Variants in ADAMTSL1 observed in about 807,000 individuals in gnomAD.
ADAMTSL1 encodes the protein ADAMTS like 1.
ADAMTSL1 carries 126 observed loss-of-function variants against 201.8 expected under a neutral mutation model. The ratio of observed to expected loss-of-function variants is 0.62; its 90% CI spans 0.54 to 0.72. The LOEUF is 0.72. Ranked by LOEUF, ADAMTSL1 falls within the 30% of genes least tolerant of loss-of-function variation. The probability of loss-of-function intolerance (pLI) is 0.00; values close to 1 mark genes in which losing one functional copy is unlikely to be tolerated. For synonymous variants in ADAMTSL1, 1,121 were observed against 903.4 expected (o/e 1.24, Z -4.32); for missense variants, 2,679 against 2,277.8 (o/e 1.18, Z -3.59).
At chr9:18,067,682 A>C (rs1032920585) in intron 1 of ADAMTSL1, among the ~76,000 whole-genome samples, 1 of 152,258 alleles carries the variant, frequency 6.6e-6, no homozygotes, top group African/African-American at 2.4e-5. Context: ...AGCTGTCGGC[A>C]GCACTAAGCT....
intron 2 of ADAMTSL1, among the ~76,000 whole-genome samples, chr9:18,424,746 C>T (rs921047517): frequency 2.6e-5 from 4 of 152,072 alleles, no homozygotes; most frequent in East Asian, 1.9e-4. Context: ...ACCTACCCAG[C>T]CTCATGTATG....
At chr9:18,628,304 T>G (rs1016820449) in intron 5 of ADAMTSL1, among the ~76,000 whole-genome samples, 1 of 152,204 alleles carries the variant, frequency 6.6e-6, no homozygotes, top group African/African-American at 2.4e-5. Flanking sequence ...TTTTTTCGTA[T>G]AGACGCCCAA....
intron 21 of ADAMTSL1, among the ~76,000 whole-genome samples, chr9:18,821,518 C>T (rs1274321083): frequency 6.6e-6 from 1 of 152,136 alleles, no homozygotes; most frequent in African/African-American, 2.4e-5. Flanking sequence ...TGGCCACGCA[C>T]AACTACAAAG....
chr9:18,008,328 C>T (rs1455683113), intron 1 of ADAMTSL1, among the ~76,000 whole-genome samples: 5 of 151,944 alleles, frequency 3.3e-5, no homozygotes, highest in African/African-American at 4.8e-5. Flanking sequence ...TCAATATTAA[C>T]ATGCAAACCT....
rs10673652 is a variant in ADAMTSL1 at position 18,503,421 on chromosome 9, GTA to G, written c.64-1389_64-1388del. Among the ~76,000 whole-genome samples, 86 of 115,004 alleles carry G rather than the reference GTA, an allele frequency of 7.5e-4. 2 individuals are homozygous for G. Among genetic ancestry groups the G allele is most frequent in the East Asian group, 1.2e-3 (4 of 3,468 alleles). 75.4% of individuals were successfully genotyped at this position (115,004 alleles called of 152,430 possible). A position where few individuals can be genotyped will look rare whatever the true frequency, so the allele number is the denominator to read the frequency against. On this transcript the variant is annotated intron_variant, in intron 1 of 28. Coordinates refer to ENST00000380548, the MANE Select transcript of ADAMTSL1 (RefSeq NM_001040272.6). ...TTAAGGCTGAATAGTATTCCATTGT[GTA>G]TATATATATATATATATACCACATT...
In ADAMTSL1 at chr9:18,738,239, G is replaced by A. The variant is rs7032189; in HGVS notation, c.2007-15059G>A. On this transcript the variant is annotated intron_variant, in intron 15 of 28. Coordinates refer to ENST00000380548, the MANE Select transcript of ADAMTSL1 (RefSeq NM_001040272.6). Reference sequence around the variant, plus strand: ...ACAGCCGTGCTGTGAGAAGTTTTGCGTTTTCTCTATATCTTAGTCTTTAAA... The same window carrying A: ...ACAGCCGTGCTGTGAGAAGTTTTGCATTTTCTCTATATCTTAGTCTTTAAA... Among the ~76,000 whole-genome samples the A allele has an allele frequency of 8.4e-3, 1,272 of 152,176 alleles. 25 individuals are homozygous for A. Among genetic ancestry groups the A allele is most frequent in the African/African-American group, 0.029 (1,186 of 41,514 alleles).
At chr9:18,840,000 A>C (rs368635950) in intron 23 of ADAMTSL1, among the ~76,000 whole-genome samples, 2 of 150,162 alleles carry the variant, frequency 1.3e-5, no homozygotes, top group Non-Finnish European at 3.0e-5. Context: ...GTTCAATCTG[A>C]TGGTAGTTTC....
At chr9:18,699,078 T>A (rs1286147584) in intron 13 of ADAMTSL1, among the ~76,000 whole-genome samples, 1 of 152,186 alleles carries the variant, frequency 6.6e-6, no homozygotes, top group Non-Finnish European at 1.5e-5. Flanking sequence ...CCCTGCAACA[T>A]TTTCCTCTAG....
chr9:18,717,982 C>A lies in ADAMTSL1; in HGVS notation c.1877-3554C>A, dbSNP rs929594879. 3.0e-5 allele frequency: 47 copies of A among 1,583,596 alleles called. No homozygotes were observed. The East Asian group carries it at 4.2e-4, about 14-fold the overall frequency. On this transcript the variant is annotated intron_variant, in intron 14 of 28. Coordinates refer to ENST00000380548, the MANE Select transcript of ADAMTSL1 (RefSeq NM_001040272.6). ...CAATGCACTTAGTACATTAAAGCAG[C>A]TGACATGATGACTTTTTGCGAGCCT...
chr9:18,562,067 A>G (rs1431341869), intron 3 of ADAMTSL1, among the ~76,000 whole-genome samples: 2 of 152,180 alleles, frequency 1.3e-5, no homozygotes, highest in African/African-American at 4.8e-5. Flanking sequence ...TGTCATTATG[A>G]TGCCAGCTGG....
intron 2 of ADAMTSL1, among the ~76,000 whole-genome samples, chr9:18,237,752 C>T (rs375243056): frequency 5.9e-5 from 9 of 152,210 alleles, no homozygotes; most frequent in South Asian, 2.1e-4. Context: ...ATTATCCCAT[C>T]CCATTTTACA....
intron 1 of ADAMTSL1, among the ~76,000 whole-genome samples, chr9:18,099,356 T>TATATATATATATA (rs60877701): frequency 1.7e-3 from 69 of 39,592 alleles, no homozygotes; most frequent in African/African-American, 2.5e-3. Context: ...TATATATATA[T>TATATATATATATA]TTTTTTTTTT....
At chr9:18,502,249 A>G (rs1431414543) in intron 1 of ADAMTSL1, among the ~76,000 whole-genome samples, 2 of 152,242 alleles carry the variant, frequency 1.3e-5, no homozygotes, top group Non-Finnish European at 2.9e-5. Flanking sequence ...CAATTACTGC[A>G]TGAATCCTAA....
At chr9:18,013,878 T>G (rs1197270202) in intron 1 of ADAMTSL1, among the ~76,000 whole-genome samples, 1 of 152,002 alleles carries the variant, frequency 6.6e-6, no homozygotes, top group Non-Finnish European at 1.5e-5. Flanking sequence ...GTTTTCCATA[T>G]AAAAAGTGGT....
At chr9:18,078,767 C>T (rs1162788270) in intron 1 of ADAMTSL1, among the ~76,000 whole-genome samples, 1 of 152,128 alleles carries the variant, frequency 6.6e-6, no homozygotes, top group Non-Finnish European at 1.5e-5. Context: ...CACCCATATT[C>T]TCTCTGCAGG....
At chr9:18,110,856 T>A (rs2131880694) in intron 1 of ADAMTSL1, among the ~76,000 whole-genome samples, 1 of 152,030 alleles carries the variant, frequency 6.6e-6, no homozygotes, top group East Asian at 1.9e-4. Context: ...AGAATAAGAG[T>A]CAACTGAACC....
intron 5 of ADAMTSL1, among the ~76,000 whole-genome samples, chr9:18,625,023 T>A (rs1184737982): frequency 6.6e-6 from 1 of 152,224 alleles, no homozygotes; most frequent in Non-Finnish European, 1.5e-5. Flanking sequence ...TATGTTTCTC[T>A]ACTCTGGAAG....
intron 21 of ADAMTSL1, among the ~76,000 whole-genome samples, chr9:18,825,025 T>A (rs1207785927): frequency 6.6e-6 from 1 of 152,114 alleles, no homozygotes; most frequent in East Asian, 1.9e-4. Context: ...ATGCCCTGGA[T>A]ACATGCCAGT....
intron 23 of ADAMTSL1, among the ~76,000 whole-genome samples, chr9:18,858,882 A>C (rs184273793): frequency 6.6e-6 from 1 of 152,322 alleles, no homozygotes; most frequent in African/African-American, 2.4e-5. Context: ...ATATGTGCAA[A>C]TATGCTTTTC....
Sources: gnomAD v4.1 joint callset for allele counts (sites outside exome capture counted in the v4.1 genomes callset) on GRCh38, gnomAD v4.1.1 for gene constraint, MANE v1.5 for transcripts, NCBI Gene and HGNC (gene_info 2026-07-23, HGNC 2026-07-21) for gene names.